The following RPA2 variants were observed in gnomAD, a reference collection of about 807,000 sequenced individuals.
The protein encoded by RPA2 is replication protein A2, also known as replication protein A 32 kDa subunit.
In RPA2, 22 loss-of-function variants were observed where a neutral mutation model predicts 33.4. The ratio of observed to expected loss-of-function variants is 0.66; its 90% CI spans 0.47 to 0.94. RPA2 has a LOEUF of 0.94. Ranked by LOEUF, RPA2 falls within the 40% of genes least tolerant of loss-of-function variation. RPA2 has a pLI of 0.00. For missense variants in RPA2, 279 were observed against 329.9 expected (o/e 0.85, Z 1.19); for synonymous variants, 109 against 114.9 (o/e 0.95, Z 0.33).
rs2090137056 is a variant in RPA2 at position 27,914,124 on chromosome 1, C to T, written c.56G>A (p.Gly19Asp). 2.5e-6 allele frequency: 4 copies of T among 1,612,234 alleles called. No individual in the cohort carries two copies. The highest frequency in any genetic ancestry group is 3.4e-6 in the Non-Finnish European group (4 of 1,179,432). Residue 19 changes from glycine (G) to aspartate (D), a missense_variant, in exon 2 of 9, where the codon GGC becomes GAC. Gly to Asp is a moderately conservative substitution (Grantham distance 94). Transcript: ENST00000373912. The part of the protein sequence containing the change: ...YGSSSYGGAG[G>D]YTQSPGGFGS... Reference sequence around the variant, plus strand: ...AAAGCCCCCCGGGGACTGCGTGTAGCCGCCGGCTCCCCCGTATGAGGAGCT... The same window carrying T: ...AAAGCCCCCCGGGGACTGCGTGTAGTCGCCGGCTCCCCCGTATGAGGAGCT...
chr1:27,911,428 G>C (rs1039652968), intron 2 of RPA2, among the ~76,000 whole-genome samples: 5 of 152,140 alleles, frequency 3.3e-5, no homozygotes, highest in African/African-American at 1.2e-4. Flanking sequence ...TCTCTGAAAA[G>C]CTATCTTAAT....
rs753320750 is a variant in RPA2 at position 27,906,919 on chromosome 1, GC to G, written c.333+8del. ...GTAACCCCATCATGATTCAAAAACA[GC>G]CACTTACATCTGTGTCAACCCACTG... On this transcript the variant is annotated splice_region_variant and intron_variant, in intron 4 of 8. Coordinates refer to ENST00000373912, the MANE Select transcript of RPA2 (RefSeq NM_002946.5). The G allele has an allele frequency of 5.8e-5, 92 of 1,587,344 alleles. No individual in the cohort carries two copies. The East Asian group carries it at 2.0e-3, about 34-fold the overall frequency.
At chr1:27,903,447 C>G (rs2089991499) in intron 4 of RPA2, among the ~76,000 whole-genome samples, 1 of 151,888 alleles carries the variant, frequency 6.6e-6, no homozygotes, top group African/African-American at 2.4e-5. Context: ...TTGGCTGGGC[C>G]ATGGTGGCTC....
chr1:27,913,996 T>A, intron 2 of RPA2, 67 bp downstream of exon 2: 1 of 1,403,786 alleles, frequency 7.1e-7, no homozygotes, highest in Non-Finnish European at 9.6e-7. Flanking sequence ...GCATAAAGTT[T>A]CTGTCATAGA....
chr1:27,899,374 G>A (rs2089935042), intron 4 of RPA2, among the ~76,000 whole-genome samples: 1 of 151,784 alleles, frequency 6.6e-6, no homozygotes, highest in Non-Finnish European at 1.5e-5. Flanking sequence ...GTGTGGTGGT[G>A]GGTGCCTGTA....
At chr1:27,907,334 C>A in intron 2 of RPA2, 52 bp from the exon 3 acceptor site, 1 of 1,340,214 alleles carries the variant, frequency 7.5e-7, no homozygotes, top group South Asian at 1.2e-5. Context: ...AACTACCACT[C>A]ATTCAACACC....
intron 5 of RPA2, 106 bp from the exon 6 acceptor site, chr1:27,897,227 T>C (rs930141938): frequency 1.4e-5 from 11 of 768,490 alleles, no homozygotes; most frequent in African/African-American, 3.5e-5. Context: ...TTCACCAATA[T>C]GAGAAAAATG....
At chr1:27,897,805 G>A in intron 4 of RPA2, 98 bp from the exon 5 acceptor site, 1 of 763,744 alleles carries the variant, frequency 1.3e-6, no homozygotes, top group Non-Finnish European at 1.9e-6. Context: ...AAGTTACGAA[G>A]TAGAAGAGTT....
chr1:27,905,019 A>T (rs1168471227), intron 4 of RPA2, among the ~76,000 whole-genome samples: 1 of 152,238 alleles, frequency 6.6e-6, no homozygotes, highest in Non-Finnish European at 1.5e-5. Context: ...CAAAACACCA[A>T]GAGGCCTTCT....
At chr1:27,898,820 G>A (rs2089925451) in intron 4 of RPA2, among the ~76,000 whole-genome samples, 1 of 151,916 alleles carries the variant, frequency 6.6e-6, no homozygotes, top group Non-Finnish European at 1.5e-5. Context: ...GCCTCCCAAA[G>A]TGCTGGGATT....
At position 27,907,166 on chromosome 1, in the gene RPA2, A is replaced by G. The variant is rs760791137; in HGVS notation, c.219+15T>C. ...ATTATGAGTAAGTGATTCTTTCACA[A>G]ATTATTTGACATACCTGTGAAATCT... On this transcript the variant is annotated intron_variant, in intron 3 of 8. Transcript: ENST00000373912. 12 of 1,602,274 alleles carry G rather than the reference A, an allele frequency of 7.5e-6. No individual in the cohort carries two copies. In the South Asian group the frequency reaches 1.1e-4, roughly 15 times the overall value.
chr1:27,906,614 G>A (rs569269747), intron 4 of RPA2, among the ~76,000 whole-genome samples: 6 of 152,222 alleles, frequency 3.9e-5, no homozygotes, highest in Non-Finnish European at 7.4e-5. Context: ...GCTTGAGCCC[G>A]GGATGCGGAC....
In RPA2 at chr1:27,894,067, A is replaced by G. The variant is rs771589112; in HGVS notation, c.673T>C (p.Leu225=). The part of the protein sequence containing the change: ...LIKACPRPEG[L]NFQDLKNQLK... ...TGGTTCTTGAGATCCTGAAAGTTCA[A>G]CCCTTCAGGTCTTGGACAAGCCTTA... Residue 225 remains leucine, a synonymous_variant, in exon 8 of 9, where the codon TTG becomes CTG. Coordinates refer to ENST00000373912, the MANE Select transcript of RPA2 (RefSeq NM_002946.5). The G allele has an allele frequency of 6.2e-7, 1 of 1,614,172 alleles. No homozygotes were observed. The highest frequency in any genetic ancestry group is 8.5e-7 in the Non-Finnish European group (1 of 1,180,022).
At chr1:27,903,557 A>G (rs2148657842) in intron 4 of RPA2, among the ~76,000 whole-genome samples, 1 of 151,844 alleles carries the variant, frequency 6.6e-6, no homozygotes, top group South Asian at 2.1e-4. Context: ...CGTCTCTACT[A>G]AAAATACAAA....
chr1:27,900,709 G>C (rs2089957415), intron 4 of RPA2, among the ~76,000 whole-genome samples: 1 of 152,026 alleles, frequency 6.6e-6, no homozygotes, highest in African/African-American at 2.4e-5. Flanking sequence ...CTGTTACCCA[G>C]GCTGGAGGGC....
At position 27,892,014 on chromosome 1, in the gene RPA2, G is replaced by GT. The variant is rs2089829814; in HGVS notation, c.*148dup. 7.0e-6 allele frequency: 4 copies of GT among 575,288 alleles called. No homozygotes were observed. The South Asian group carries it at 8.0e-5, about 12-fold the overall frequency. 35.6% of individuals were successfully genotyped at this position (575,288 alleles called of 1,614,324 possible). A position where few individuals can be genotyped will look rare whatever the true frequency, so the allele number is the denominator to read the frequency against. On this transcript the variant is annotated 3_prime_UTR_variant, in exon 9 of 9. Coordinates refer to ENST00000373912, the MANE Select transcript of RPA2 (RefSeq NM_002946.5). ...CAAAACAAAATAAAACAGAAGAGCAGTAAGTTTCAAAAGGAAGTCAGAGGA... is the reference window on the plus strand; with the variant it reads ...CAAAACAAAATAAAACAGAAGAGCAGTTAAGTTTCAAAAGGAAGTCAGAGGA...
At chr1:27,914,645 T>A (rs767675180), upstream of RPA2, 24 of 1,613,746 alleles carry the variant, frequency 1.5e-5, no homozygotes, top group Middle Eastern at 1.6e-4. Flanking sequence ...CGCTTGTTCC[T>A]GTCTCCTCTG....
intron 2 of RPA2, among the ~76,000 whole-genome samples, chr1:27,907,837 T>C (rs185322986): frequency 6.6e-6 from 1 of 152,240 alleles, no homozygotes; most frequent in East Asian, 1.9e-4. Context: ...CTTGGCCATG[T>C]TGGACATCTT....
At chr1:27,902,288 T>A (rs990874625) in intron 4 of RPA2, among the ~76,000 whole-genome samples, 3 of 147,080 alleles carry the variant, frequency 2.0e-5, no homozygotes, top group African/African-American at 7.4e-5. Flanking sequence ...TACGTATACT[T>A]TTTTTTTTTT....
Sources: gnomAD v4.1 joint callset for allele counts (sites outside exome capture counted in the v4.1 genomes callset) on GRCh38, gnomAD v4.1.1 for gene constraint, MANE v1.5 for transcripts, NCBI Gene and HGNC (gene_info 2026-07-23, HGNC 2026-07-21) for gene names.